Variants in LRBA observed in about 807,000 individuals in gnomAD.
LRBA encodes the protein LPS responsive beige-like anchor protein, also known as lipopolysaccharide-responsive and beige-like anchor protein.
A neutral mutation model predicts 330.0 loss-of-function variants in LRBA; 176 were observed. The ratio of observed to expected loss-of-function variants is 0.53; its 90% CI spans 0.47 to 0.60. LRBA has a LOEUF of 0.60. LRBA is among the 20% of genes least tolerant of loss of function. The pLI is 0.00. For synonymous variants in LRBA, 1,230 were observed against 1,193.0 expected, an observed-to-expected ratio of 1.03 and a Z score of -0.64; for missense variants, 3,259 against 3,444.8, an observed-to-expected ratio of 0.95 and a Z score of 1.35.
chr4:150,565,720 T>A (rs1361446769), intron 40 of LRBA, among the ~76,000 whole-genome samples: 1 of 152,054 alleles, frequency 6.6e-6, no homozygotes, highest in Non-Finnish European at 1.5e-5. Flanking sequence ...AAACACTTAA[T>A]AAAATGTGGA....
chr4:150,276,626 A>C (rs539665642), intron 56 of LRBA, among the ~76,000 whole-genome samples: 1 of 152,368 alleles, frequency 6.6e-6, no homozygotes, highest in South Asian at 2.1e-4. Flanking sequence ...ATATGAACAG[A>C]CACTTCTCAA....
intron 35 of LRBA, among the ~76,000 whole-genome samples, chr4:150,755,042 A>G (rs1177832903): frequency 6.6e-6 from 1 of 152,156 alleles, no homozygotes; most frequent in Non-Finnish European, 1.5e-5. Flanking sequence ...TCCAAATGAA[A>G]TATTTTCTGG....
intron 37 of LRBA, among the ~76,000 whole-genome samples, chr4:150,675,273 A>C (rs1782431267): frequency 6.6e-6 from 1 of 152,214 alleles, no homozygotes; most frequent in Non-Finnish European, 1.5e-5. Flanking sequence ...GCCTGGGTTC[A>C]AATGTTAACT....
chr4:150,406,688 C>T (rs1746240970), intron 47 of LRBA, among the ~76,000 whole-genome samples: 1 of 152,098 alleles, frequency 6.6e-6, no homozygotes, highest in African/African-American at 2.4e-5. Flanking sequence ...GAAAAATGTA[C>T]CCCTCACCCC....
rs1055557673 is a variant in LRBA, at chr4:150,435,717, T to G, written c.6922-9A>C. 1 of 1,589,618 alleles carries G rather than the reference T, an allele frequency of 6.3e-7. No individual in the cohort carries two copies. Among genetic ancestry groups the G allele is most frequent in the African/African-American group, 1.4e-5 (1 of 73,462 alleles). On this transcript the variant is annotated splice_polypyrimidine_tract_variant and intron_variant, in intron 45 of 56. Transcript: ENST00000651943. ...TAAGTTGTAAAGGGTTCCTAAAAAA[T>G]AGCAATTAAAAAAATCCATATGTTC... is the stretch of plus-strand genomic sequence containing the variant.
At chr4:150,306,277 G>A (rs1045048397) in intron 52 of LRBA, among the ~76,000 whole-genome samples, 5 of 151,582 alleles carry the variant, frequency 3.3e-5, no homozygotes, top group Admixed American at 6.6e-5. Context: ...ATAAGAGAAG[G>A]ATTTTTTTTT....
chr4:150,470,517 C>T (rs750278448), intron 43 of LRBA, among the ~76,000 whole-genome samples: 2 of 152,068 alleles, frequency 1.3e-5, no homozygotes, highest in Non-Finnish European at 2.9e-5. Flanking sequence ...CAGATGAAAT[C>T]CAATGTCCTA....
intron 44 of LRBA, among the ~76,000 whole-genome samples, chr4:150,443,847 T>TTAAAAA (rs1554027866): frequency 0.048 from 2,595 of 53,692 alleles, 114 homozygotes; most frequent in Non-Finnish European, 0.059. Context: ...AAAGTATAAT[T>TTAAAAA]AAAAAAATAT....
rs1216797652 is a variant in LRBA at position 150,288,793 on chromosome 4, C to CT, written c.8018-2760dup. Reference sequence around the variant, plus strand: ...GGAATATATTTTTGGTGTGATTGTTCTTTTTTTTTTTTTTTTTTCTTAAGT... The same window carrying CT: ...GGAATATATTTTTGGTGTGATTGTTCTTTTTTTTTTTTTTTTTTTCTTAAGT... On this transcript the variant is annotated intron_variant, in intron 53 of 56. Transcript: ENST00000651943. Among the ~76,000 whole-genome samples, 535 of 104,006 alleles carry CT rather than the reference C, an allele frequency of 5.1e-3. 2 individuals carry two copies. The highest frequency in any genetic ancestry group is 0.011 in the African/African-American group (301 of 28,308). 68.2% of individuals were successfully genotyped at this position (104,006 alleles called of 152,430 possible).
chr4:150,445,367 CTCTCTCTCTCTATATA>C (rs1304121721), intron 44 of LRBA, among the ~76,000 whole-genome samples: 2 of 83,584 alleles, frequency 2.4e-5, no homozygotes, highest in East Asian at 3.3e-4. Flanking sequence ...CTCTCTCTCT[CTCTCTCTCTCTATATA>C]TATATATATA....
At chr4:150,636,209 A>AAAT (rs1340963984) in intron 37 of LRBA, among the ~76,000 whole-genome samples, 1 of 144,198 alleles carries the variant, frequency 6.9e-6, no homozygotes, top group Non-Finnish European at 1.5e-5. Context: ...CTTTGTAATT[A>AAAT]ATGAATATTT....
chr4:150,301,651 AGTC>A (rs1939740424), intron 53 of LRBA, among the ~76,000 whole-genome samples: 1 of 152,162 alleles, frequency 6.6e-6, no homozygotes, highest in Non-Finnish European at 1.5e-5. Context: ...AGCTTTGAGA[AGTC>A]AATCCAAGAT....
chr4:150,362,192 C>A (rs955863751), intron 47 of LRBA, among the ~76,000 whole-genome samples: 1 of 152,084 alleles, frequency 6.6e-6, no homozygotes, highest in African/African-American at 2.4e-5. Flanking sequence ...GGGACTAGGT[C>A]CTTCATCTAG....
intron 44 of LRBA, among the ~76,000 whole-genome samples, chr4:150,463,936 G>C (rs2152055289): frequency 6.6e-6 from 1 of 151,470 alleles, no homozygotes; most frequent in African/African-American, 2.4e-5. Flanking sequence ...AAAGGGTGGT[G>C]TTAGGATGAG....
intron 2 of LRBA, among the ~76,000 whole-genome samples, chr4:150,941,431 G>A (rs545358538): frequency 3.3e-5 from 5 of 152,196 alleles, no homozygotes; most frequent in East Asian, 1.9e-4. Context: ...GATTACAGGC[G>A]TGAGCCACCG....
intron 35 of LRBA, among the ~76,000 whole-genome samples, chr4:150,741,330 C>G (rs1321732956): frequency 6.6e-6 from 1 of 152,030 alleles, no homozygotes; most frequent in Admixed American, 6.5e-5. Context: ...AAAATGATCA[C>G]AATTTTTAAA....
intron 10 of LRBA, 45 bp downstream of exon 10, chr4:150,908,615 C>A (rs1285394709): frequency 1.9e-6 from 3 of 1,545,044 alleles, no homozygotes; most frequent in Non-Finnish European, 2.7e-6. Context: ...AATAACACAT[C>A]AAAAATTACC....
chr4:150,357,526 C>G (rs139297866), intron 47 of LRBA, among the ~76,000 whole-genome samples: 3 of 152,000 alleles, frequency 2.0e-5, no homozygotes, highest in African/African-American at 7.2e-5. Flanking sequence ...TTCTTTAGAA[C>G]TACAGAACAT....
Position 150,659,109 on chromosome 4 carries a change from C to G in LRBA, c.5921+24442G>C, listed in dbSNP as rs995314412. ...CCGCCTGCCTTGGCCTCCCAAAGTG[C>G]CGAGATTGCAGCCTCTGCCCGGCCG... On this transcript the variant is annotated intron_variant, in intron 37 of 56. Coordinates refer to ENST00000651943, the MANE Select transcript of LRBA (RefSeq NM_001364905.1). 2.2e-5 allele frequency among the ~76,000 whole-genome samples: 3 copies of G among 137,196 alleles called. No homozygotes were observed. The Admixed American group carries it at 2.2e-4, about 10-fold the overall frequency. 90.0% of individuals were successfully genotyped at this position (137,196 alleles called of 152,430 possible).
Sources: allele counts gnomAD v4.1 joint callset (sites outside exome capture counted in the v4.1 genomes callset), GRCh38; gene constraint gnomAD v4.1.1; transcripts MANE v1.5; gene names NCBI Gene and HGNC (gene_info 2026-07-23, HGNC 2026-07-21).